Variants in CDKL3 observed in about 807,000 individuals in gnomAD.
CDKL3 encodes the protein cyclin dependent kinase like 3, also known as cyclin-dependent kinase-like 3.
CDKL3 carries 65 observed loss-of-function variants against 69.3 expected under a neutral mutation model. That is an observed-to-expected ratio of 0.94 (90% CI 0.77 to 1.15). CDKL3 has a LOEUF of 1.15. Among genes scored for constraint, CDKL3 ranks in the 50% most tolerant of loss-of-function variants. The pLI, the probability that CDKL3 is intolerant of heterozygous loss-of-function variation, is 0.00. For synonymous variants in CDKL3, 202 were observed against 221.6 expected, an observed-to-expected ratio of 0.91 and a Z score of 0.79; for missense variants, 652 against 689.2, an observed-to-expected ratio of 0.95 and a Z score of 0.61.
chr5:134,364,443 T>C (rs1181710082), intron 2 of CDKL3, among the ~76,000 whole-genome samples: 4 of 152,244 alleles, frequency 2.6e-5, no homozygotes, highest in African/African-American at 9.6e-5. Flanking sequence ...TTTCTATCAA[T>C]TGTATCAATC....
Position 134,360,029 on chromosome 5 carries a change from A to G in CDKL3, c.228T>C (p.His76=). Residue 76 remains histidine (H), a synonymous_variant, in exon 3 of 13, where the codon CAT becomes CAC. Transcript: ENST00000265334. ...IEVFRQKKKI[H]LVFEFIDHTV... is the part of the protein sequence containing the mutation. ...TGTGGTCAATAAATTCAAATACCAA[A>G]TGAATTTTCTTTTTCTGTCTAAAAA... The G allele has an allele frequency of 6.4e-7, 1 of 1,554,842 alleles. No homozygotes were observed. The highest frequency in any genetic ancestry group is 1.4e-5 in the African/African-American group (1 of 73,658).
intron 2 of CDKL3, 36 bp from the exon 3 acceptor site, chr5:134,360,127 T>A: frequency 7.3e-7 from 1 of 1,377,782 alleles, no homozygotes; most frequent in Non-Finnish European, 9.9e-7. Context: ...TTTTTAATTA[T>A]TTCAAGCCTA....
chr5:134,345,480 G>A (rs1463466157), intron 4 of CDKL3, among the ~76,000 whole-genome samples: 1 of 152,178 alleles, frequency 6.6e-6, no homozygotes, highest in East Asian at 1.9e-4. Context: ...GTGTCCGTGT[G>A]AAGAGACCAC....
At chr5:134,303,482 A>G in intron 11 of CDKL3, among the ~76,000 whole-genome samples, 1 of 152,212 alleles carries the variant, frequency 6.6e-6, no homozygotes, top group East Asian at 1.9e-4. Flanking sequence ...AATTTACCCC[A>G]GGTCATATAC....
intron 4 of CDKL3, among the ~76,000 whole-genome samples, chr5:134,324,572 G>A (rs1773622269): frequency 2.0e-5 from 3 of 152,114 alleles, no homozygotes; most frequent in African/African-American, 7.2e-5. Flanking sequence ...AATATATATT[G>A]CTAGGTCAAA....
At chr5:134,307,749 A>AT (rs1285694059) in intron 9 of CDKL3, among the ~76,000 whole-genome samples, 1 of 152,174 alleles carries the variant, frequency 6.6e-6, no homozygotes, top group Non-Finnish European at 1.5e-5. Flanking sequence ...ACGAAAGATT[A>AT]TTTTTTTACT....
At chr5:134,346,039 C>G (rs1021385290) in intron 4 of CDKL3, among the ~76,000 whole-genome samples, 9 of 152,266 alleles carry the variant, frequency 5.9e-5, no homozygotes, top group Middle Eastern at 3.4e-3. Context: ...CAAGGTGTAT[C>G]ACAGAAACCA....
intron 11 of CDKL3, among the ~76,000 whole-genome samples, chr5:134,303,347 G>T (rs1399169034): frequency 6.6e-6 from 1 of 152,098 alleles, no homozygotes; most frequent in Non-Finnish European, 1.5e-5. Flanking sequence ...AAAGTGCTGG[G>T]ATTACAGGTG....
intron 1 of CDKL3, 110 bp downstream of exon 1, chr5:134,366,867 T>C (rs912998469): frequency 7.0e-6 from 7 of 1,002,010 alleles, no homozygotes; most frequent in Non-Finnish European, 8.4e-6. Context: ...CATGTTCCTG[T>C]CAAATAATAG....
rs966361630 is a variant in CDKL3 at position 134,306,670 on chromosome 5, G to C, written c.1397C>G (p.Ser466Cys). The change falls in exon 10 of 13, where the codon TCT becomes TGT. Residue 466 changes from serine to cysteine, a missense_variant. Transcript: ENST00000265334. ...LTERAKKRRT[S>C]SQSIGQVMPN... Reference sequence around the variant, plus strand: ...CATAACTTGTCCAATAGATTGTGAAGAAGTGCGTCTCTTTTTTGCTCTTTC... The same window carrying C: ...CATAACTTGTCCAATAGATTGTGAACAAGTGCGTCTCTTTTTTGCTCTTTC... 6.4e-6 allele frequency: 10 copies of C among 1,559,422 alleles called. No homozygotes were observed. Among genetic ancestry groups the C allele is most frequent in the Non-Finnish European group, 8.6e-6 (10 of 1,157,528 alleles).
At chr5:134,347,095 T>C (rs1412889530) in intron 4 of CDKL3, among the ~76,000 whole-genome samples, 2 of 152,036 alleles carry the variant, frequency 1.3e-5, no homozygotes, top group Non-Finnish European at 2.9e-5. Context: ...TGAAATATGA[T>C]AATATTAGGG....
chr5:134,316,633 A>G (rs1161168768), intron 6 of CDKL3, among the ~76,000 whole-genome samples: 2 of 152,192 alleles, frequency 1.3e-5, no homozygotes, highest in African/African-American at 4.8e-5. Context: ...CATCTTTACC[A>G]ATAGCGGGGG....
chr5:134,345,778 T>A (rs995535164), intron 4 of CDKL3, among the ~76,000 whole-genome samples: 2 of 152,182 alleles, frequency 1.3e-5, no homozygotes, highest in Non-Finnish European at 2.9e-5. Context: ...CTTTTGTGAT[T>A]CTTCAATTAC....
downstream of CDKL3, among the ~76,000 whole-genome samples, chr5:134,284,972 T>C (rs1432001495): frequency 1.3e-5 from 2 of 152,148 alleles, no homozygotes; most frequent in African/African-American, 4.8e-5. Flanking sequence ...GCGACATACA[T>C]CCTCAGCTTA....
intron 4 of CDKL3, among the ~76,000 whole-genome samples, chr5:134,345,755 G>T (rs1751702598): frequency 6.6e-6 from 1 of 152,128 alleles, no homozygotes; most frequent in South Asian, 2.1e-4. Flanking sequence ...GCAGGAACAG[G>T]CCATTTTCAC....
intron 7 of CDKL3, among the ~76,000 whole-genome samples, chr5:134,310,977 G>T (rs948127998): frequency 6.6e-6 from 1 of 152,044 alleles, no homozygotes; most frequent in Non-Finnish European, 1.5e-5. Context: ...TCTTTCTAAC[G>T]TCACGTCCAA....
At chr5:134,349,256 C>T (rs964588064) in intron 4 of CDKL3, among the ~76,000 whole-genome samples, 4 of 152,086 alleles carry the variant, frequency 2.6e-5, no homozygotes, top group African/African-American at 9.7e-5. Context: ...AGGAAAGGCA[C>T]AAGAATTATC....
intron 4 of CDKL3, among the ~76,000 whole-genome samples, chr5:134,331,455 G>C (rs1025259511): frequency 1.3e-5 from 2 of 151,496 alleles, no homozygotes; most frequent in Non-Finnish European, 2.9e-5. Context: ...TCCCTCCCCC[G>C]GGCCCCCACC....
At chr5:134,343,744 T>C (rs934171997) in intron 4 of CDKL3, among the ~76,000 whole-genome samples, 7 of 152,104 alleles carry the variant, frequency 4.6e-5, no homozygotes, top group African/African-American at 1.7e-4. Context: ...GAAGACAGCT[T>C]CCACTCCCTA....
Sources: gnomAD v4.1 joint callset for allele counts (sites outside exome capture counted in the v4.1 genomes callset) on GRCh38, gnomAD v4.1.1 for gene constraint, MANE v1.5 for transcripts, NCBI Gene and HGNC (gene_info 2026-07-23, HGNC 2026-07-21) for gene names.